Variants in YARS2 observed in about 807,000 individuals in gnomAD.
The protein encoded by YARS2 is tyrosyl-tRNA synthetase 2, also known as tyrosine--tRNA ligase, mitochondrial.
YARS2 carries 38 observed loss-of-function variants against 45.0 expected under a neutral mutation model. That is an observed-to-expected ratio of 0.84 (90% CI 0.65 to 1.11). YARS2 has a LOEUF of 1.11. YARS2 is among the 50% of genes least tolerant of loss of function. The pLI is 0.00. For synonymous variants in YARS2, 287 were observed against 245.1 expected (o/e 1.17, Z -1.60); for missense variants, 602 against 599.8 (o/e 1.00, Z -0.04).
chr12:32,752,579 AC>A (rs1955765442), intron 2 of YARS2, among the ~76,000 whole-genome samples: 1 of 151,784 alleles, frequency 6.6e-6, no homozygotes, highest in Non-Finnish European at 1.5e-5. Context: ...ACATGGCGAA[AC>A]CCTGCCTCTA....
intron 4 of YARS2, 53 bp downstream of exon 4, chr12:32,749,884 C>T: frequency 6.2e-7 from 1 of 1,604,714 alleles, no homozygotes; most frequent in South Asian, 1.1e-5. Flanking sequence ...GCCTTGTGAA[C>T]TGTAACATTT....
chr12:32,754,621 T>C (rs1177669463), intron 1 of YARS2, among the ~76,000 whole-genome samples: 1 of 151,700 alleles, frequency 6.6e-6, no homozygotes, highest in African/African-American at 2.4e-5. Flanking sequence ...CGTTCTGGTA[T>C]AAACACACAA....
chr12:32,755,545 C>A lies in YARS2; in HGVS notation c.330G>T (p.Ala110=). The change falls in exon 1 of 5, where the codon GCG becomes GCT. Residue 110 remains alanine (A), a synonymous_variant. Coordinates refer to ENST00000324868, the MANE Select transcript of YARS2 (RefSeq NM_001040436.3). ...GGCGCGCCGTGGCGCCTCCCACCAGCGCGATCACGTTGTGGCCCGCTCGCT... is the reference window on the plus strand; with the variant it reads ...GGCGCGCCGTGGCGCCTCCCACCAGAGCGATCACGTTGTGGCCCGCTCGCT... ...HLQRAGHNVI[A]LVGGATARLG... is the part of the protein sequence containing the mutation. The A allele has an allele frequency of 6.2e-7, 1 of 1,613,580 alleles. No individual in the cohort carries two copies. The highest frequency in any genetic ancestry group is 1.1e-5 in the South Asian group (1 of 91,088).
Position 32,749,919 on chromosome 12 carries a change from A to G in YARS2, c.1274+18T>C, listed in dbSNP as rs755737620. The G allele has an allele frequency of 6.2e-7, 1 of 1,613,898 alleles. No homozygotes were observed. Among genetic ancestry groups the G allele is most frequent in the Admixed American group, 1.7e-5 (1 of 60,012 alleles). On this transcript the variant is annotated intron_variant, in intron 4 of 4. Transcript: ENST00000324868. ...TAATGGTGAATTAACTGTAAATCTA[A>G]AAGTTAAATAATCTTACCCTCGGGG...
chr12:32,750,577 C>T (rs1207351599), intron 3 of YARS2, 142 bp downstream of exon 3: 2 of 1,050,914 alleles, frequency 1.9e-6, no homozygotes, highest in Admixed American at 2.2e-5. Flanking sequence ...TTCCAATAAA[C>T]AGGGGCTATT....
At position 32,754,085 on chromosome 12, in the gene YARS2, C is replaced by T. The variant is rs747596158; in HGVS notation, c.780G>A (p.Lys260=). The T allele has an allele frequency of 1.2e-6, 2 of 1,614,178 alleles. No homozygotes were observed. The highest frequency in any genetic ancestry group is 1.7e-6 in the Non-Finnish European group (2 of 1,180,020). The change falls in exon 2 of 5, where the codon AAG becomes AAA. Residue 260 remains lysine (K), a splice_region_variant and synonymous_variant. Coordinates refer to ENST00000324868, the MANE Select transcript of YARS2 (RefSeq NM_001040436.3). Reference sequence around the variant, plus strand: ...TTCCAAATACATCTTCTCCAGTCAACCTACGCATAAAGAACAATTTCATTA... The same window carrying T: ...TTCCAAATACATCTTCTCCAGTCAATCTACGCATAAAGAACAATTTCATTA... ...NIMSGYEFIN[K]LTGEDVFGIT...
intron 3 of YARS2, among the ~76,000 whole-genome samples, chr12:32,750,329 G>C (rs1041133995): frequency 6.6e-6 from 1 of 152,118 alleles, no homozygotes; most frequent in Non-Finnish European, 1.5e-5. Context: ...AGCCTCCTGA[G>C]TAGCTGGGAT....
At chr12:32,748,619 G>A (rs964546766) in intron 4 of YARS2, among the ~76,000 whole-genome samples, 4 of 152,110 alleles carry the variant, frequency 2.6e-5, no homozygotes, top group African/African-American at 9.7e-5. Context: ...TATTTGTCTC[G>A]CTGACATACT....
At chr12:32,752,538 T>C (rs1055235975) in intron 2 of YARS2, among the ~76,000 whole-genome samples, 7 of 151,966 alleles carry the variant, frequency 4.6e-5, no homozygotes, top group Admixed American at 3.9e-4. Context: ...GTGGATCACT[T>C]GAGGTCAGGA....
In YARS2 at chr12:32,755,650, G is replaced by T. The variant is rs376399300; in HGVS notation, c.225C>A (p.Thr75=). ...FDRGTASFPQ[T]IYCGFDPTAD... ...CCGTGGGGTCGAAGCCACAGTAAATGGTTTGGGGAAAACTCGCCGTGCCAC... is the reference window on the plus strand; with the variant it reads ...CCGTGGGGTCGAAGCCACAGTAAATTGTTTGGGGAAAACTCGCCGTGCCAC... Residue 75 remains threonine, a synonymous_variant, in exon 1 of 5, where the codon ACC becomes ACA. Coordinates refer to ENST00000324868, the MANE Select transcript of YARS2 (RefSeq NM_001040436.3). The T allele has an allele frequency of 6.2e-7, 1 of 1,614,250 alleles. No homozygotes were observed. The highest frequency in any genetic ancestry group is 1.1e-5 in the South Asian group (1 of 91,086).
At chr12:32,754,354 A>G (rs1421438777) in intron 1 of YARS2, among the ~76,000 whole-genome samples, 1 of 152,202 alleles carries the variant, frequency 6.6e-6, no homozygotes, top group African/African-American at 2.4e-5. Context: ...AGTGGGAAGG[A>G]GAAAACTGGG....
At position 32,749,986 on chromosome 12, in the gene YARS2, C is replaced by G; in HGVS notation, c.1225G>C (p.Val409Leu). Residue 409 changes from valine to leucine, a missense_variant, in exon 4 of 5, where the codon GTC (valine) becomes CTC (leucine). Coordinates refer to ENST00000324868, the MANE Select transcript of YARS2 (RefSeq NM_001040436.3). Reference sequence around the variant, plus strand: ...TTTGCTTTGCGGCAAGTATCTAGGACACTTGTTCCAGGATCGAGAAAAAAT... The same window carrying G: ...TTTGCTTTGCGGCAAGTATCTAGGAGACTTGTTCCAGGATCGAGAAAAAAT... ...SEFFLDPGTS[V>L]LDTCRKANAI... 6.2e-7 allele frequency: 1 copy of G among 1,614,078 alleles called. No individual in the cohort carries two copies.
At chr12:32,748,564 T>G (rs1955683513) in intron 4 of YARS2, among the ~76,000 whole-genome samples, 1 of 152,310 alleles carries the variant, frequency 6.6e-6, no homozygotes, top group Admixed American at 6.5e-5. Context: ...CACACTATAG[T>G]AAAGTTCAGA....
In YARS2 at chr12:32,753,932, G is replaced by C. The variant is rs745595833; in HGVS notation, c.933C>G (p.Asp311Glu). 3.8e-5 allele frequency: 62 copies of C among 1,613,960 alleles called. No homozygotes were observed. Among genetic ancestry groups the C allele is most frequent in the Admixed American group, 5.0e-5 (3 of 59,998 alleles). The change falls in exon 2 of 5, where the codon GAC (aspartate) becomes GAG (glutamate). Residue 311 changes from aspartate (D) to glutamate (E), a missense_variant. Transcript: ENST00000324868. ...ELYQFFVRQP[D>E]DSVERYLKLF... ...TCAGAACTCACCTTTCCACTGAATC[G>C]TCCGGTTGCCTGACAAAGAATTGAT...
In YARS2 at chr12:32,750,004, GA is replaced by G; in HGVS notation, c.1206del (p.Leu403SerfsTer8). 6.2e-7 allele frequency: 1 copy of G among 1,614,078 alleles called. No homozygotes were observed. The highest frequency in any genetic ancestry group is 8.5e-7 in the Non-Finnish European group (1 of 1,179,998). Reference protein sequence around the residue: ...LFKEAPFSEFFLDPGTSVLDT... With the variant: ...LFKEAPFSEFXLDPGTSVLDT... ...TCTAGGACACTTGTTCCAGGATCGA[GA>G]AAAAATTCAGAAAATGGAGCTTCTT... On this transcript the variant is annotated frameshift_variant, in exon 4 of 5. Transcript: ENST00000324868. LOFTEE classifies it high-confidence loss of function.
At position 32,755,133 on chromosome 12, in the gene YARS2, G is replaced by T; in HGVS notation, c.742C>A (p.Leu248Ile). 6.2e-7 allele frequency: 1 copy of T among 1,614,214 alleles called. No homozygotes were observed. Among genetic ancestry groups the T allele is most frequent in the Non-Finnish European group, 8.5e-7 (1 of 1,180,036 alleles). Residue 248 changes from leucine to isoleucine, a missense_variant, in exon 1 of 5, where the codon CTA (leucine) becomes ATA (isoleucine). Transcript: ENST00000324868. ...CRVQLGGSDQLGNIMSGYEFI... is the reference protein window; with the variant it reads ...CRVQLGGSDQIGNIMSGYEFI... Reference sequence around the variant, plus strand: ...TCATATCCGGACATGATGTTGCCTAGTTGATCAGATCCGCCCAGCTGGACC... The same window carrying T: ...TCATATCCGGACATGATGTTGCCTATTTGATCAGATCCGCCCAGCTGGACC...
At chr12:32,750,630 A>G in intron 3 of YARS2, 89 bp downstream of exon 3, 1 of 1,550,422 alleles carries the variant, frequency 6.4e-7, no homozygotes, top group Non-Finnish European at 8.8e-7. Flanking sequence ...GTGATAAATG[A>G]CAAGATAATC....
intron 4 of YARS2, among the ~76,000 whole-genome samples, chr12:32,747,764 A>G (rs1185089116): frequency 2.6e-5 from 4 of 152,058 alleles, no homozygotes; most frequent in African/African-American, 9.7e-5. Context: ...TCAAACTCCC[A>G]ACCTCAAGTG....
At chr12:32,753,232 C>T (rs991063960) in intron 2 of YARS2, among the ~76,000 whole-genome samples, 7 of 151,488 alleles carry the variant, frequency 4.6e-5, no homozygotes, top group African/African-American at 1.5e-4. Context: ...GCCAAGACTG[C>T]GTCACTACAC....
Sources: allele counts gnomAD v4.1 joint callset (sites outside exome capture counted in the v4.1 genomes callset), GRCh38; gene constraint gnomAD v4.1.1; transcripts MANE v1.5; gene names NCBI Gene and HGNC (gene_info 2026-07-23, HGNC 2026-07-21).